KATNIP: variants seen among roughly 807,000 people sequenced by gnomAD.
The protein encoded by KATNIP is katanin-interacting protein.
In KATNIP, 126 loss-of-function variants were observed where a neutral mutation model predicts 174.0. The observed-to-expected ratio is 0.72, with a 90% confidence interval of 0.63 to 0.84. KATNIP has a LOEUF of 0.84. Among genes scored for constraint, KATNIP ranks in the 40% least tolerant of loss-of-function variants. The pLI is 0.00. For missense variants in KATNIP, 1,958 were observed against 2,109.7 expected, an observed-to-expected ratio of 0.93 and a Z score of 1.41; for synonymous variants, 810 against 835.7, an observed-to-expected ratio of 0.97 and a Z score of 0.53.
rs1346277832 is a variant in KATNIP at position 27,777,767 on chromosome 16, T to A, written c.4709T>A (p.Ile1570Asn). Residue 1570 changes from isoleucine (I) to asparagine (N), a missense_variant, in exon 26 of 28, where the codon ATC becomes AAC. Transcript: ENST00000261588. This position sits in a 1 kb window ranked among gnomAD's most constrained non-coding sequence, Gnocchi z 4.4. ...CGCCACCAGGAGAAACACACCACCA[T>A]CAGGTAGGGCCCCAGCCGGCCCCAT... The part of the protein sequence containing the change: ...DIRHQEKHTT[I>N]SNQAEDQDVQ... 1.9e-6 allele frequency: 3 copies of A among 1,613,358 alleles called. No homozygotes were observed. In the African/African-American group the frequency reaches 4.0e-5, roughly 22 times the overall value.
At chr16:27,551,285 A>C (rs757372247) in intron 1 of KATNIP, among the ~76,000 whole-genome samples, 1 of 152,330 alleles carries the variant, frequency 6.6e-6, no homozygotes, top group Non-Finnish European at 1.5e-5. Flanking sequence ...GGGAATCCAC[A>C]TTCTTTTTAT....
At chr16:27,657,229 G>A (rs948033002) in intron 6 of KATNIP, among the ~76,000 whole-genome samples, 9 of 152,112 alleles carry the variant, frequency 5.9e-5, no homozygotes, top group African/African-American at 2.2e-4. Flanking sequence ...TACATATTGA[G>A]AAGGAAAAAG....
At chr16:27,728,349 A>G (rs1021010952) in intron 14 of KATNIP, among the ~76,000 whole-genome samples, 5 of 152,252 alleles carry the variant, frequency 3.3e-5, no homozygotes, top group Non-Finnish European at 5.9e-5. Context: ...CACGGTAGCC[A>G]TGAGAGTTCC....
At chr16:27,757,359 A>G (rs2081774347) in intron 18 of KATNIP, 1 of 268,348 alleles carries the variant, frequency 3.7e-6, no homozygotes, top group African/African-American at 2.3e-5. Context: ...GAAAGGGGTC[A>G]GCCACCCAAA....
intron 5 of KATNIP, among the ~76,000 whole-genome samples, chr16:27,647,201 CT>C (rs1246544256): frequency 6.6e-6 from 1 of 152,168 alleles, no homozygotes. Flanking sequence ...CCAAAGGATA[CT>C]AGAAGAAAGA....
chr16:27,555,211 T>G (rs2141538075), intron 1 of KATNIP, among the ~76,000 whole-genome samples: 1 of 152,332 alleles, frequency 6.6e-6, no homozygotes, highest in African/African-American at 2.4e-5. Flanking sequence ...TAGAAAGATG[T>G]TTACTTCCTA....
intron 19 of KATNIP, among the ~76,000 whole-genome samples, chr16:27,764,432 C>T (rs534126389): frequency 2.6e-5 from 4 of 152,344 alleles, no homozygotes; most frequent in African/African-American, 7.2e-5. Flanking sequence ...TCCTTTTAAA[C>T]GGTCACCTTT....
intron 2 of KATNIP, among the ~76,000 whole-genome samples, chr16:27,581,484 G>A (rs2090694361): frequency 6.6e-6 from 1 of 152,098 alleles, no homozygotes; most frequent in African/African-American, 2.4e-5. Context: ...GCCCACAATG[G>A]ACCCATTCAG....
At chr16:27,732,885 C>T (rs2080749059) in intron 14 of KATNIP, among the ~76,000 whole-genome samples, 1 of 152,174 alleles carries the variant, frequency 6.6e-6, no homozygotes, top group Non-Finnish European at 1.5e-5. Flanking sequence ...TGCAGAGGTG[C>T]CAGTAAATGT....
intron 1 of KATNIP, among the ~76,000 whole-genome samples, chr16:27,561,419 G>A (rs2141596989): frequency 6.6e-6 from 1 of 152,214 alleles, no homozygotes; most frequent in African/African-American, 2.4e-5. Context: ...CCCCGCAGCT[G>A]CTTCCTCTGC....
In KATNIP at chr16:27,654,359, T is replaced by C. The variant is rs1011434704; in HGVS notation, c.540+5624T>C. 1.8e-4 allele frequency among the ~76,000 whole-genome samples: 28 copies of C among 152,210 alleles called. 1 individual carries two copies. The highest frequency in any genetic ancestry group is 6.8e-4 in the African/African-American group (28 of 41,452). ...ACTCAACTGCCATACAGCTCCATGG[T>C]TCAGAGCACTGTTTTAGGAGTTGGT... On this transcript the variant is annotated intron_variant, in intron 6 of 27. Transcript: ENST00000261588.
intron 4 of KATNIP, among the ~76,000 whole-genome samples, chr16:27,629,284 C>G (rs576327555): frequency 2.6e-5 from 4 of 152,208 alleles, no homozygotes; most frequent in African/African-American, 4.8e-5. Context: ...AAAGAGAAAT[C>G]CTGTTTTATT....
intron 2 of KATNIP, among the ~76,000 whole-genome samples, chr16:27,613,220 G>A (rs1337537066): frequency 6.6e-6 from 1 of 152,208 alleles, no homozygotes; most frequent in African/African-American, 2.4e-5. Context: ...GCTGCAGTGA[G>A]CCGAAATCGC....
intron 13 of KATNIP, among the ~76,000 whole-genome samples, chr16:27,717,920 C>T (rs1004114380): frequency 1.5e-4 from 23 of 152,150 alleles, no homozygotes; most frequent in African/African-American, 5.1e-4. Context: ...TCCCAGATTC[C>T]CTGGGGGGAT....
At chr16:27,555,188 A>C (rs756776946) in intron 1 of KATNIP, among the ~76,000 whole-genome samples, 1 of 152,204 alleles carries the variant, frequency 6.6e-6, no homozygotes, top group East Asian at 1.9e-4. Context: ...AGGTAAGCCA[A>C]GCCTGGCCTT....
chr16:27,573,670 C>T (rs1327226918), intron 1 of KATNIP, among the ~76,000 whole-genome samples: 1 of 152,206 alleles, frequency 6.6e-6, no homozygotes, highest in Non-Finnish European at 1.5e-5. Flanking sequence ...AAGGCTGGAG[C>T]TTTGTTCATT....
chr16:27,649,048 A>C (rs1441498482), intron 6 of KATNIP, among the ~76,000 whole-genome samples: 1 of 152,160 alleles, frequency 6.6e-6, no homozygotes. Flanking sequence ...CAGAGGAGGG[A>C]GAGGATCCCG....
rs896735253 is a variant in KATNIP at position 27,776,916 on chromosome 16, G to T, written c.4450-12G>T. ...AAACATGCCTGTTTTAATTAGTGCC[G>T]CTCTCTGACAGGTGAACCGGGTTTA... On this transcript the variant is annotated splice_polypyrimidine_tract_variant and intron_variant, in intron 24 of 27. Coordinates refer to ENST00000261588, the MANE Select transcript of KATNIP (RefSeq NM_015202.5). The surrounding 1 kb of genome is among the most constrained non-coding windows in gnomAD (Gnocchi z 4.7). The T allele has an allele frequency of 6.3e-6, 10 of 1,581,602 alleles. No homozygotes were observed. Among genetic ancestry groups the T allele is most frequent in the Middle Eastern group, 3.3e-4 (2 of 6,018 alleles).
At chr16:27,695,911 C>T (rs2078897033) in intron 8 of KATNIP, among the ~76,000 whole-genome samples, 1 of 152,222 alleles carries the variant, frequency 6.6e-6, no homozygotes. Context: ...TTCATCTCGT[C>T]ATCACCCCTA....
Sources: allele counts gnomAD v4.1 joint callset (sites outside exome capture counted in the v4.1 genomes callset), GRCh38; gene constraint gnomAD v4.1.1; non-coding constraint Gnocchi (gnomAD v3.1); transcripts MANE v1.5; gene names NCBI Gene and HGNC (gene_info 2026-07-23, HGNC 2026-07-21).